PAK5: variants seen among roughly 807,000 people sequenced by gnomAD.
The protein encoded by PAK5 is p21 (RAC1) activated kinase 5.
Under a neutral mutation model 65.9 loss-of-function variants are expected in PAK5, and 16 were observed. The observed-to-expected ratio is 0.24, with a 90% confidence interval of 0.16 to 0.37. PAK5 has a LOEUF of 0.37. Among genes scored for constraint, PAK5 ranks in the 10% least tolerant of loss-of-function variants. The pLI, the probability that PAK5 is intolerant of heterozygous loss-of-function variation, is 1.00. For synonymous variants in PAK5, 371 were observed against 354.9 expected, an observed-to-expected ratio of 1.05 and a Z score of -0.51; for missense variants, 785 against 903.9, an observed-to-expected ratio of 0.87 and a Z score of 1.69.
At chr20:9,750,152 A>G (rs2048558307) in intron 1 of PAK5, among the ~76,000 whole-genome samples, 1 of 152,082 alleles carries the variant, frequency 6.6e-6, no homozygotes, top group African/African-American at 2.4e-5. Context: ...ATTCTACCAG[A>G]GGGAAATTAC....
intron 3 of PAK5, among the ~76,000 whole-genome samples, chr20:9,641,827 C>A (rs974048913): frequency 1.3e-5 from 2 of 152,148 alleles, no homozygotes; most frequent in South Asian, 2.1e-4. Flanking sequence ...CAGCCACTGG[C>A]CCAGGTGCTA....
intron 1 of PAK5, among the ~76,000 whole-genome samples, chr20:9,727,549 T>C (rs201060878): frequency 6.6e-6 from 1 of 152,328 alleles, no homozygotes; most frequent in East Asian, 1.9e-4. Context: ...ATTGTTACTA[T>C]GCTATTTGCC....
intron 2 of PAK5, among the ~76,000 whole-genome samples, chr20:9,655,507 C>T (rs1430802877): frequency 6.6e-6 from 1 of 151,880 alleles, no homozygotes; most frequent in Admixed American, 6.6e-5. Flanking sequence ...ACACATATCA[C>T]TTGCTTCTAA....
intron 1 of PAK5, among the ~76,000 whole-genome samples, chr20:9,817,561 A>G (rs1039948494): frequency 1.3e-5 from 2 of 152,200 alleles, no homozygotes; most frequent in African/African-American, 4.8e-5. Context: ...AATGAACGAG[A>G]TAATTTCAGA....
At chr20:9,830,939 G>A (rs568842738) in intron 1 of PAK5, among the ~76,000 whole-genome samples, 1 of 152,030 alleles carries the variant, frequency 6.6e-6, no homozygotes, top group Non-Finnish European at 1.5e-5. Context: ...TTTTTGGTTT[G>A]GTTTGGTTTG....
intron 1 of PAK5, among the ~76,000 whole-genome samples, chr20:9,816,215 T>C (rs1420992371): frequency 2.0e-5 from 3 of 152,154 alleles, no homozygotes; most frequent in African/African-American, 7.2e-5. Context: ...TGAATCTGTG[T>C]TCCTGGGAAA....
intron 1 of PAK5, among the ~76,000 whole-genome samples, chr20:9,801,659 A>G (rs2049170656): frequency 6.6e-6 from 1 of 151,944 alleles, no homozygotes; most frequent in African/African-American, 2.4e-5. Context: ...TTTTCTTTCT[A>G]TCTCCATCTC....
chr20:9,759,391 T>C (rs2048672544), intron 1 of PAK5, among the ~76,000 whole-genome samples: 2 of 152,196 alleles, frequency 1.3e-5, no homozygotes, highest in Admixed American at 1.3e-4. Context: ...GGTGAACAGA[T>C]GATCACGATC....
intron 3 of PAK5, among the ~76,000 whole-genome samples, chr20:9,634,814 G>A (rs1259764245): frequency 6.6e-6 from 1 of 152,180 alleles, no homozygotes; most frequent in East Asian, 1.9e-4. Context: ...AGTCTTTGTG[G>A]TGGTGGGAGG....
chr20:9,584,144 C>T (rs2046028729), intron 3 of PAK5, among the ~76,000 whole-genome samples: 1 of 151,940 alleles, frequency 6.6e-6, no homozygotes, highest in African/African-American at 2.4e-5. Context: ...CCATCCTCAC[C>T]CCACAGATTA....
chr20:9,792,453 T>C (rs191890060), intron 1 of PAK5, among the ~76,000 whole-genome samples: 90 of 152,286 alleles, frequency 5.9e-4, no homozygotes, highest in African/African-American at 2.1e-3. Context: ...AAGTGCTGTT[T>C]GCAGGAATTA....
In PAK5 at chr20:9,642,805, A is replaced by AT. The variant is rs569707902; in HGVS notation, c.204+1319dup. ...CAAAGCTTTATCTTCTCAAATATCCATTTTTTTGTGTGTGTATGTACTTAA... is the reference window on the plus strand; with the variant it reads ...CAAAGCTTTATCTTCTCAAATATCCATTTTTTTTGTGTGTGTATGTACTTAA... On this transcript the variant is annotated intron_variant, in intron 3 of 9. Coordinates refer to ENST00000353224, the MANE Select transcript of PAK5 (RefSeq NM_177990.4). Among the ~76,000 whole-genome samples, 16 of 152,244 alleles carry AT rather than the reference A, an allele frequency of 1.1e-4. No homozygotes were observed. In the South Asian group the frequency reaches 1.5e-3, roughly 14 times the overall value.
chr20:9,561,468 T>G (rs1167409824), intron 6 of PAK5, among the ~76,000 whole-genome samples: 1 of 148,974 alleles, frequency 6.7e-6, no homozygotes, highest in East Asian at 1.9e-4. Flanking sequence ...ATCTTATGTG[T>G]TTTTTTGTTG....
At chr20:9,628,801 A>G (rs1421460408) in intron 3 of PAK5, among the ~76,000 whole-genome samples, 1 of 152,152 alleles carries the variant, frequency 6.6e-6, no homozygotes, top group Non-Finnish European at 1.5e-5. Flanking sequence ...CTCTACCACA[A>G]GGTGTCCTCT....
intron 4 of PAK5, among the ~76,000 whole-genome samples, chr20:9,567,947 T>C (rs970423880): frequency 2.6e-5 from 4 of 152,036 alleles, no homozygotes; most frequent in Admixed American, 2.6e-4. Context: ...AAAAGCAAGA[T>C]CCCTTTCCTA....
chr20:9,767,515 G>T (rs2048782170), intron 1 of PAK5, among the ~76,000 whole-genome samples: 1 of 152,166 alleles, frequency 6.6e-6, no homozygotes, highest in East Asian at 1.9e-4. Context: ...TAGGACATAG[G>T]CTCTGTAAGA....
chr20:9,676,206 G>A (rs2047569869), intron 2 of PAK5, among the ~76,000 whole-genome samples: 1 of 151,894 alleles, frequency 6.6e-6, no homozygotes, highest in African/African-American at 2.4e-5. Flanking sequence ...AGCACGGGAA[G>A]GACCTGCCCC....
intron 1 of PAK5, among the ~76,000 whole-genome samples, chr20:9,758,883 A>G (rs550208316): frequency 1.7e-4 from 26 of 152,144 alleles, no homozygotes; most frequent in Non-Finnish European, 3.1e-4. Context: ...GCCATGTCTA[A>G]GGAAAAGAAA....
intron 2 of PAK5, among the ~76,000 whole-genome samples, chr20:9,681,094 C>T (rs558245432): frequency 5.9e-5 from 9 of 152,206 alleles, no homozygotes; most frequent in South Asian, 2.1e-4. Context: ...TATTAAGAAT[C>T]GTTATATCTT....
Sources: allele counts gnomAD v4.1 joint callset (sites outside exome capture counted in the v4.1 genomes callset), GRCh38; gene constraint gnomAD v4.1.1; transcripts MANE v1.5; gene names NCBI Gene and HGNC (gene_info 2026-07-23, HGNC 2026-07-21).